Variants in KLHL1 observed in about 807,000 individuals in gnomAD.
The protein encoded by KLHL1 is kelch like family member 1, also known as kelch-like protein 1.
Under a neutral mutation model 77.7 loss-of-function variants are expected in KLHL1, and 47 were observed. The observed-to-expected ratio is 0.60, with a 90% confidence interval of 0.48 to 0.77. KLHL1 has a LOEUF of 0.77. Ranked by LOEUF, KLHL1 falls within the 30% of genes least tolerant of loss-of-function variation. The probability of loss-of-function intolerance (pLI) is 0.00; values close to 1 mark genes in which losing one functional copy is unlikely to be tolerated. For synonymous variants in KLHL1, 360 were observed against 325.2 expected (o/e 1.11, Z -1.15); for missense variants, 925 against 910.8 (o/e 1.02, Z -0.20).
In KLHL1 at chr13:69,733,848, GC is replaced by G. The variant is rs541843777; in HGVS notation, c.1802+6545del. ...TAGTAATTTAAGTTCTAGGTCTACA[GC>G]CAGCTAAAATGTGTATGTACATTCA... On this transcript the variant is annotated intron_variant, in intron 8 of 10. Coordinates refer to ENST00000377844, the MANE Select transcript of KLHL1 (RefSeq NM_020866.3). 3.4e-3 allele frequency among the ~76,000 whole-genome samples: 521 copies of G among 152,276 alleles called. 5 individuals carry two copies. Among genetic ancestry groups the G allele is most frequent in the African/African-American group, 0.012 (499 of 41,564 alleles).
chr13:69,841,762 C>T (rs1470225538), intron 5 of KLHL1, among the ~76,000 whole-genome samples: 1 of 151,758 alleles, frequency 6.6e-6, no homozygotes. Context: ...CAAAGCAATC[C>T]TGATCAAAAA....
intron 8 of KLHL1, among the ~76,000 whole-genome samples, chr13:69,731,062 GAATATA>G (rs1873523434): frequency 6.6e-6 from 1 of 151,808 alleles, no homozygotes; most frequent in African/African-American, 2.4e-5. Flanking sequence ...GAGAAAATGT[GAATATA>G]AATAGAAAAA....
rs60883710 is a variant in KLHL1 at position 69,884,426 on chromosome 13, CAA to C, written c.1015-1933_1015-1932del. ...TGAGATGTTTTGCCATCAGATTTTT[CAA>C]AAAAAAAAAAAAAAAAAACTACGTG... On this transcript the variant is annotated intron_variant, in intron 4 of 10. Coordinates refer to ENST00000377844, the MANE Select transcript of KLHL1 (RefSeq NM_020866.3). 2.0e-3 allele frequency among the ~76,000 whole-genome samples: 130 copies of C among 64,904 alleles called. 1 individual carries two copies. The highest frequency in any genetic ancestry group is 4.5e-3 in the African/African-American group (103 of 22,658). The allele number at this position is 64,904 out of a possible 152,430, so 42.6% of individuals were successfully genotyped here.
chr13:70,106,576 T>C (rs943683204), intron 1 of KLHL1, among the ~76,000 whole-genome samples: 15 of 152,268 alleles, frequency 9.9e-5, no homozygotes, highest in African/African-American at 3.4e-4. Context: ...GCAAAGGGAC[T>C]CCACGACAGT....
chr13:69,869,551 T>G (rs1380711878), intron 5 of KLHL1, among the ~76,000 whole-genome samples: 1 of 152,122 alleles, frequency 6.6e-6, no homozygotes, highest in Non-Finnish European at 1.5e-5. Context: ...AAACTTTTAT[T>G]TTGGGTGACC....
chr13:70,043,162 C>T (rs1019064105), intron 1 of KLHL1, among the ~76,000 whole-genome samples: 7 of 151,692 alleles, frequency 4.6e-5, no homozygotes, highest in African/African-American at 1.5e-4. Flanking sequence ...GCTTGGCTTC[C>T]GAAAATGCTG....
intron 1 of KLHL1, among the ~76,000 whole-genome samples, chr13:70,088,184 GGATT>G (rs1887590918): frequency 1.3e-5 from 2 of 152,154 alleles, no homozygotes; most frequent in African/African-American, 4.8e-5. Context: ...TATGGAAGTA[GGATT>G]GATAAATACA....
intron 3 of KLHL1, among the ~76,000 whole-genome samples, chr13:69,950,686 T>C (rs137955903): frequency 0.01 from 1,564 of 151,834 alleles, 26 homozygotes; most frequent in African/African-American, 0.035. Context: ...TGGTCATTAT[T>C]TTAATTTAGG....
At chr13:69,941,649 C>T (rs1883369223) in intron 3 of KLHL1, among the ~76,000 whole-genome samples, 1 of 151,790 alleles carries the variant, frequency 6.6e-6, no homozygotes, top group Non-Finnish European at 1.5e-5. Context: ...TAAACAAAAG[C>T]AATCCAAAAG....
intron 5 of KLHL1, among the ~76,000 whole-genome samples, chr13:69,843,172 G>T (rs1187513151): frequency 6.6e-6 from 1 of 151,596 alleles, no homozygotes; most frequent in Non-Finnish European, 1.5e-5. Context: ...TTGTTCTCAG[G>T]TGACAGACAC....
At chr13:69,938,858 T>C (rs1883262634) in intron 4 of KLHL1, among the ~76,000 whole-genome samples, 1 of 152,082 alleles carries the variant, frequency 6.6e-6, no homozygotes, top group Non-Finnish European at 1.5e-5. Flanking sequence ...AAGAAAATAA[T>C]TTTGAAACTC....
intron 1 of KLHL1, among the ~76,000 whole-genome samples, chr13:70,039,975 C>G (rs1886337003): frequency 6.6e-6 from 1 of 151,936 alleles, no homozygotes. Context: ...CAGTGTAAAT[C>G]TTTCTGTAAC....
At chr13:70,031,727 T>G (rs942542294) in intron 1 of KLHL1, among the ~76,000 whole-genome samples, 2 of 152,164 alleles carry the variant, frequency 1.3e-5, no homozygotes, top group Non-Finnish European at 2.9e-5. Context: ...CAAAGGCTAT[T>G]TGATTGGAAG....
At chr13:69,973,748 T>C (rs1166001249) in intron 2 of KLHL1, among the ~76,000 whole-genome samples, 1 of 152,192 alleles carries the variant, frequency 6.6e-6, no homozygotes, top group East Asian at 1.9e-4. Flanking sequence ...TTTATTTGTA[T>C]TTATTAATAT....
chr13:69,764,689 A>T (rs1485548147), intron 7 of KLHL1, among the ~76,000 whole-genome samples: 1 of 152,110 alleles, frequency 6.6e-6, no homozygotes, highest in Non-Finnish European at 1.5e-5. Flanking sequence ...CACCAAGAAC[A>T]TCAGCATCAT....
intron 2 of KLHL1, among the ~76,000 whole-genome samples, chr13:69,972,425 TTCTA>T (rs1210630169): frequency 6.6e-6 from 1 of 152,064 alleles, no homozygotes; most frequent in Non-Finnish European, 1.5e-5. Flanking sequence ...TAGGATACTT[TTCTA>T]TCTATCAAAT....
chr13:69,718,668 A>G (rs1330085), intron 9 of KLHL1, among the ~76,000 whole-genome samples: 55,160 of 151,910 alleles, frequency 0.36, 10,197 homozygotes, highest in African/African-American at 0.4. Context: ...TACATACCAT[A>G]TAATAGTTCT....
intron 1 of KLHL1, among the ~76,000 whole-genome samples, chr13:70,059,462 G>A (rs555828967): frequency 6.6e-5 from 10 of 152,280 alleles, no homozygotes; most frequent in South Asian, 2.1e-4. Context: ...GAGCCACCAC[G>A]CCTGGCTGGG....
rs200625187 is a variant in KLHL1, at chr13:69,996,910, A to T, written c.498-21108T>A. 1.0e-3 allele frequency among the ~76,000 whole-genome samples: 72 copies of T among 71,238 alleles called. 2 individuals carry two copies. In the East Asian group the frequency reaches 0.02, roughly 20 times the overall value. 46.7% of individuals were successfully genotyped at this position (71,238 alleles called of 152,430 possible). A position where few individuals can be genotyped will look rare whatever the true frequency, so the allele number is the denominator to read the frequency against. ...GAAAAGTTCTTATTTTATTCATTAAATTTTTTTTTTTTTTTTTTTTTTTTT... is the reference window on the plus strand; with the variant it reads ...GAAAAGTTCTTATTTTATTCATTAATTTTTTTTTTTTTTTTTTTTTTTTTT... On this transcript the variant is annotated intron_variant, in intron 1 of 10. Transcript: ENST00000377844.
Sources: allele counts gnomAD v4.1 joint callset (sites outside exome capture counted in the v4.1 genomes callset), GRCh38; gene constraint gnomAD v4.1.1; transcripts MANE v1.5; gene names NCBI Gene and HGNC (gene_info 2026-07-23, HGNC 2026-07-21).